WDR41: variants seen among roughly 807,000 people sequenced by gnomAD.
WDR41 encodes WD repeat-containing protein 41.
Under a neutral mutation model 69.3 loss-of-function variants are expected in WDR41, and 63 were observed. The ratio of observed to expected loss-of-function variants is 0.91; its 90% CI spans 0.74 to 1.12. The LOEUF (loss-of-function observed/expected upper bound fraction) is 1.12, where lower values mean the gene tolerates loss of function less well. Ranked by LOEUF, WDR41 falls within the 50% of genes most tolerant of loss-of-function variation. WDR41 has a pLI of 0.00. For synonymous variants in WDR41, 185 were observed against 192.1 expected (o/e 0.96, Z 0.31); for missense variants, 543 against 534.5 (o/e 1.02, Z -0.16).
intron 1 of WDR41, among the ~76,000 whole-genome samples, chr5:77,530,602 A>G (rs1802513252): frequency 6.6e-6 from 1 of 151,730 alleles, no homozygotes; most frequent in Non-Finnish European, 1.5e-5. Flanking sequence ...TACTCTTGGG[A>G]GTTTGGGAAA....
intron 1 of WDR41, among the ~76,000 whole-genome samples, chr5:77,590,928 T>C (rs949753562): frequency 5.9e-5 from 9 of 152,172 alleles, no homozygotes; most frequent in Admixed American, 4.6e-4. Flanking sequence ...TGGAAAAGTT[T>C]ATGTAAGACT....
At chr5:77,518,350 G>C (rs900931634) in intron 1 of WDR41, among the ~76,000 whole-genome samples, 1 of 152,084 alleles carries the variant, frequency 6.6e-6, no homozygotes, top group African/African-American at 2.4e-5. Flanking sequence ...AATGTAGACT[G>C]TAGAAAATAG....
intron 2 of WDR41, among the ~76,000 whole-genome samples, chr5:77,468,035 AC>A (rs1188285294): frequency 6.6e-6 from 1 of 151,504 alleles, no homozygotes; most frequent in East Asian, 2.0e-4. Context: ...AACAAAAAAA[AC>A]CCAAGTTGTT....
At chr5:77,578,774 G>T (rs1166329719) in intron 1 of WDR41, among the ~76,000 whole-genome samples, 1 of 145,454 alleles carries the variant, frequency 6.9e-6, no homozygotes, top group East Asian at 2.1e-4. Flanking sequence ...TGAGGCAGGA[G>T]AATCACTTGA....
chr5:77,545,852 C>A, intron 1 of WDR41: 1 of 664,274 alleles, frequency 1.5e-6, no homozygotes. Context: ...TGATCCTGGC[C>A]AAGCAGTCCA....
intron 1 of WDR41, among the ~76,000 whole-genome samples, chr5:77,573,225 C>T (rs1388216708): frequency 6.6e-6 from 1 of 151,896 alleles, no homozygotes; most frequent in Non-Finnish European, 1.5e-5. Flanking sequence ...AAGTACTAGG[C>T]CTGACCTAAT....
At chr5:77,533,762 C>T (rs1476855186) in intron 1 of WDR41, among the ~76,000 whole-genome samples, 1 of 152,112 alleles carries the variant, frequency 6.6e-6, no homozygotes, top group Non-Finnish European at 1.5e-5. Context: ...TGCTAATCTA[C>T]AGCACTCTCA....
At chr5:77,475,728 G>A (rs28850403) in intron 2 of WDR41, among the ~76,000 whole-genome samples, 15,717 of 152,106 alleles carry the variant, frequency 0.1, 1,008 homozygotes, top group Middle Eastern at 0.19. Context: ...GGAAAAAACA[G>A]AGCAGAAAAA....
intron 2 of WDR41, among the ~76,000 whole-genome samples, chr5:77,488,845 G>T (rs1052473902): frequency 2.0e-5 from 3 of 152,122 alleles, no homozygotes; most frequent in African/African-American, 4.8e-5. Context: ...AATTATTATG[G>T]TGAAACATGC....
At chr5:77,584,635 T>C (rs1398176996) in intron 1 of WDR41, among the ~76,000 whole-genome samples, 2 of 152,062 alleles carry the variant, frequency 1.3e-5, no homozygotes, top group Admixed American at 1.3e-4. Flanking sequence ...GGACACCCTT[T>C]CCAACAAATG....
At chr5:77,548,945 A>T (rs1457144179) in intron 1 of WDR41, among the ~76,000 whole-genome samples, 2 of 152,110 alleles carry the variant, frequency 1.3e-5, no homozygotes, top group African/African-American at 4.8e-5. Flanking sequence ...ATGGAATACT[A>T]CTCAGCCATA....
chr5:77,549,517 C>CA (rs893447895), intron 1 of WDR41, among the ~76,000 whole-genome samples: 7 of 150,976 alleles, frequency 4.6e-5, no homozygotes, highest in South Asian at 2.1e-4. Flanking sequence ...ATAGCCGCTC[C>CA]AAAAAAAACA....
exon 1 of WDR41, chr5:77,620,570 G>A (rs757991176): frequency 8.9e-6 from 4 of 449,982 alleles, no homozygotes; most frequent in East Asian, 7.0e-5. Flanking sequence ...GTGTACCTGC[G>A]CTCACCTGAG....
At chr5:77,507,918 G>A (rs891421494) in intron 1 of WDR41, among the ~76,000 whole-genome samples, 2 of 151,968 alleles carry the variant, frequency 1.3e-5, no homozygotes, top group African/African-American at 4.8e-5. Flanking sequence ...ATTTCTCTGA[G>A]GTTCTGTCCG....
chr5:77,484,299 G>A (rs141750300), intron 2 of WDR41, among the ~76,000 whole-genome samples: 112 of 152,292 alleles, frequency 7.4e-4, no homozygotes, highest in Non-Finnish European at 2.1e-4. Context: ...GGTGGCACAC[G>A]CATCTGTGTG....
At chr5:77,524,613 A>ATTT (rs70988688) in intron 1 of WDR41, among the ~76,000 whole-genome samples, 43 of 150,892 alleles carry the variant, frequency 2.8e-4, no homozygotes, top group South Asian at 6.3e-4. Flanking sequence ...ATAAGACACA[A>ATTT]TTTTTTTTTT....
chr5:77,588,898 T>C (rs769503462), intron 1 of WDR41, among the ~76,000 whole-genome samples: 2 of 152,226 alleles, frequency 1.3e-5, no homozygotes, highest in South Asian at 2.1e-4. Context: ...ATTTTCTCAG[T>C]AGAGCACATC....
At chr5:77,559,206 A>T (rs1031241490) in intron 1 of WDR41, among the ~76,000 whole-genome samples, 1 of 152,190 alleles carries the variant, frequency 6.6e-6, no homozygotes, top group Non-Finnish European at 1.5e-5. Flanking sequence ...AAACACTCCC[A>T]CTGTGGCCAA....
chr5:77,601,701 T>C (rs1283199900), intron 1 of WDR41, among the ~76,000 whole-genome samples: 1 of 152,184 alleles, frequency 6.6e-6, no homozygotes, highest in African/African-American at 2.4e-5. Flanking sequence ...CAATGGCTCA[T>C]CTCTCCTTAC....
Sources: gnomAD v4.1 joint callset for allele counts (sites outside exome capture counted in the v4.1 genomes callset) on GRCh38, gnomAD v4.1.1 for gene constraint, MANE v1.5 for transcripts, NCBI Gene and HGNC (gene_info 2026-07-23, HGNC 2026-07-21) for gene names.